The following XKR9 variants were observed in gnomAD, a reference collection of about 807,000 sequenced individuals.
The protein encoded by XKR9 is XK-related protein 9.
In XKR9, 32 loss-of-function variants were observed where a neutral mutation model predicts 32.0. That is an observed-to-expected ratio of 1.00 (90% confidence interval 0.76 to 1.34). XKR9 has a LOEUF of 1.34. Ranked by LOEUF, XKR9 falls within the 40% of genes most tolerant of loss-of-function variation. The pLI is 0.00. For synonymous variants in XKR9, 168 were observed against 143.4 expected (o/e 1.17, Z -1.22); for missense variants, 546 against 429.7 (o/e 1.27, Z -2.39).
At chr8:70,821,097 C>A in the XKR9 span, among the ~76,000 whole-genome samples, 1 of 152,290 alleles carries the variant, frequency 6.6e-6, no homozygotes, top group East Asian at 1.9e-4. Context: ...TTTGTTACTT[C>A]TAAGATACAA....
chr8:70,992,685 A>G, the XKR9 span, among the ~76,000 whole-genome samples: 1 of 152,204 alleles, frequency 6.6e-6, no homozygotes, highest in Non-Finnish European at 1.5e-5. Context: ...TTTCCTGTTT[A>G]CTAGTAACAA....
chr8:70,968,080 C>T, the XKR9 span, among the ~76,000 whole-genome samples: 13 of 152,272 alleles, frequency 8.5e-5, no homozygotes, highest in African/African-American at 3.1e-4. Context: ...TCCAATCAAT[C>T]GTAAATTTGG....
At chr8:70,971,443 C>T in the XKR9 span, among the ~76,000 whole-genome samples, 1 of 152,108 alleles carries the variant, frequency 6.6e-6, no homozygotes, top group Non-Finnish European at 1.5e-5. Flanking sequence ...ATTTCTTTTG[C>T]TGTGCAGAAA....
chr8:70,741,651 A>G (rs538129101), intron 2 of XKR9, among the ~76,000 whole-genome samples: 32 of 152,228 alleles, frequency 2.1e-4, no homozygotes, highest in African/African-American at 7.2e-4. Flanking sequence ...TGATGAATGG[A>G]TTGATGAATG....
chr8:70,743,245 T>C (rs910021571), intron 2 of XKR9, among the ~76,000 whole-genome samples: 1 of 152,154 alleles, frequency 6.6e-6, no homozygotes, highest in Non-Finnish European at 1.5e-5. Context: ...CTTGGGTTCT[T>C]TTTATGGTTT....
At chr8:70,978,567 C>G in the XKR9 span, among the ~76,000 whole-genome samples, 1 of 152,324 alleles carries the variant, frequency 6.6e-6, no homozygotes, top group East Asian at 1.9e-4. Context: ...TCGGCCCCCA[C>G]TCTCTTGTGG....
At chr8:70,890,886 A>C in the XKR9 span, among the ~76,000 whole-genome samples, 1 of 151,910 alleles carries the variant, frequency 6.6e-6, no homozygotes, top group Admixed American at 6.6e-5. Context: ...AGTTCTTTAA[A>C]TGTTTGGCAG....
At chr8:71,001,219 G>C in the XKR9 span, among the ~76,000 whole-genome samples, 1 of 152,164 alleles carries the variant, frequency 6.6e-6, no homozygotes, top group Non-Finnish European at 1.5e-5. Context: ...AATAGGCATG[G>C]GATCGAAGGT....
downstream of XKR9, among the ~76,000 whole-genome samples, chr8:70,792,948 A>G (rs1185778432): frequency 6.6e-6 from 1 of 152,054 alleles, no homozygotes; most frequent in Non-Finnish European, 1.5e-5. Context: ...TTAGAAATAA[A>G]TGTTTGTTAT....
the XKR9 span, among the ~76,000 whole-genome samples, chr8:71,058,952 T>A: frequency 2.0e-5 from 3 of 152,210 alleles, no homozygotes; most frequent in Admixed American, 6.5e-5. Flanking sequence ...TAAACACTCT[T>A]ATCCTAGAAG....
chr8:70,995,055 G>T, the XKR9 span, among the ~76,000 whole-genome samples: 1 of 152,080 alleles, frequency 6.6e-6, no homozygotes, highest in Non-Finnish European at 1.5e-5. Flanking sequence ...GTAGTGAGAG[G>T]GTGGGGACAA....
chr8:70,817,199 G>T, the XKR9 span, among the ~76,000 whole-genome samples: 31 of 152,202 alleles, frequency 2.0e-4, 1 homozygote, highest in South Asian at 3.1e-3. Flanking sequence ...TCTCTTTGCT[G>T]ACAGTGTGAT....
intron 2 of XKR9, among the ~76,000 whole-genome samples, chr8:70,776,923 T>TTCTCACTC (rs1554556846): frequency 3.4e-5 from 2 of 59,620 alleles, no homozygotes; most frequent in African/African-American, 1.5e-4. Context: ...TTCTCTTTCT[T>TTCTCACTC]TCTCTCTCTC....
chr8:70,962,994 G>A, the XKR9 span, among the ~76,000 whole-genome samples: 1 of 152,022 alleles, frequency 6.6e-6, no homozygotes, highest in Admixed American at 6.6e-5. Context: ...AAGTTCCAGG[G>A]TACATGTGCA....
At chr8:71,020,422 G>A in the XKR9 span, among the ~76,000 whole-genome samples, 4 of 152,202 alleles carry the variant, frequency 2.6e-5, no homozygotes, top group Admixed American at 2.6e-4. Context: ...GGGGCTCAAG[G>A]AAAATCATTT....
chr8:71,040,528 A>G, the XKR9 span, among the ~76,000 whole-genome samples: 1 of 152,198 alleles, frequency 6.6e-6, no homozygotes, highest in Non-Finnish European at 1.5e-5. Context: ...AGGCTCTTCT[A>G]GAGCTTCTTG....
the XKR9 span, among the ~76,000 whole-genome samples, chr8:71,058,374 C>G: frequency 6.6e-6 from 1 of 152,108 alleles, no homozygotes; most frequent in Non-Finnish European, 1.5e-5. Flanking sequence ...CTGGGACAGT[C>G]ACTACCTCTG....
the XKR9 span, among the ~76,000 whole-genome samples, chr8:70,872,850 G>T: frequency 6.6e-6 from 1 of 152,108 alleles, no homozygotes; most frequent in Non-Finnish European, 1.5e-5. Context: ...AGTAGAGATG[G>T]GGTTTCTCCA....
At chr8:70,985,751 T>C in the XKR9 span, among the ~76,000 whole-genome samples, 3 of 152,040 alleles carry the variant, frequency 2.0e-5, no homozygotes, top group South Asian at 2.1e-4. Context: ...CAAGAACAAA[T>C]ATGGTAAATT....
Sources: allele counts gnomAD v4.1 joint callset (sites outside exome capture counted in the v4.1 genomes callset), GRCh38; gene constraint gnomAD v4.1.1; transcripts MANE v1.5; gene names NCBI Gene and HGNC (gene_info 2026-07-23, HGNC 2026-07-21).